SYT2: variants seen among roughly 807,000 people sequenced by gnomAD.
The protein encoded by SYT2 is synaptotagmin-2.
A neutral mutation model predicts 39.9 loss-of-function variants in SYT2; 15 were observed. That is an observed-to-expected ratio of 0.38 (90% CI 0.25 to 0.58). The LOEUF (loss-of-function observed/expected upper bound fraction) is 0.58, where lower values mean the gene tolerates loss of function less well. Ranked by LOEUF, SYT2 falls within the 20% of genes least tolerant of loss-of-function variation. SYT2 has a pLI of 0.70. For synonymous variants in SYT2, 181 were observed against 204.5 expected, an observed-to-expected ratio of 0.89 and a Z score of 0.98; for missense variants, 389 against 530.3, an observed-to-expected ratio of 0.73 and a Z score of 2.62.
At position 202,611,414 on chromosome 1, in the gene SYT2, C is replaced by T. The variant is rs145267321; in HGVS notation, c.-17-5625G>A. Among the ~76,000 whole-genome samples the T allele has an allele frequency of 8.2e-3, 1,253 of 152,196 alleles. 15 individuals are homozygous for T. Among genetic ancestry groups the T allele is most frequent in the African/African-American group, 0.028 (1,179 of 41,504 alleles). On this transcript the variant is annotated intron_variant, in intron 1 of 8. Transcript: ENST00000367268. ...TTGCCCAGGCTGGAGTGCAATGGCA[C>T]AATCTCAGCTCACTGCCACCTCCAC... is the stretch of plus-strand genomic sequence containing the variant.
intron 1 of SYT2, among the ~76,000 whole-genome samples, chr1:202,667,865 A>C (rs1464604597): frequency 2.6e-5 from 4 of 152,018 alleles, no homozygotes. Flanking sequence ...GGCACCTGCC[A>C]CCACACCCAG....
chr1:202,670,763 T>C (rs1692571771), intron 1 of SYT2, among the ~76,000 whole-genome samples: 1 of 152,228 alleles, frequency 6.6e-6, no homozygotes. Context: ...AAGGAAGGTG[T>C]CCCTGCAGCC....
chr1:202,648,467 C>A (rs548789434), intron 1 of SYT2, among the ~76,000 whole-genome samples: 20 of 152,312 alleles, frequency 1.3e-4, no homozygotes, highest in Admixed American at 9.1e-4. Flanking sequence ...CAGGTGTGAG[C>A]CTGTAATTTA....
chr1:202,637,795 C>T (rs755605291), intron 1 of SYT2, among the ~76,000 whole-genome samples: 1 of 152,246 alleles, frequency 6.6e-6, no homozygotes, highest in East Asian at 1.9e-4. Flanking sequence ...TTGGAAGCTA[C>T]TCTGGCTTTC....
chr1:202,672,672 AC>A (rs1281988895), intron 1 of SYT2, among the ~76,000 whole-genome samples: 2 of 139,456 alleles, frequency 1.4e-5, no homozygotes, highest in Admixed American at 7.4e-5. Flanking sequence ...ATAATCCAGA[AC>A]ACAGTGGTTA....
Position 202,601,023 on chromosome 1 carries a change from A to G in SYT2, c.802-549T>C, listed in dbSNP as rs1690486446. Among the ~76,000 whole-genome samples, 1 of 152,182 alleles carries G rather than the reference A, an allele frequency of 6.6e-6. No homozygotes were observed. Among genetic ancestry groups the G allele is most frequent in the East Asian group, 1.9e-4 (1 of 5,186 alleles). ...AGCAATTTGCATCCCTTTTGTTACT[A>G]TCACTGCAACTCTTTGATGTAAACA... On this transcript the variant is annotated intron_variant, in intron 6 of 8. Transcript: ENST00000367268. This position sits in a 1 kb window ranked among gnomAD's most constrained non-coding sequence, Gnocchi z 4.0.
chr1:202,639,832 A>G, intron 1 of SYT2: 1 of 985,442 alleles, frequency 1.0e-6, no homozygotes, highest in Non-Finnish European at 1.2e-6. Context: ...ACGTTGGGGC[A>G]TTTTGGGGGA....
rs1558421488 is a variant in SYT2, at chr1:202,599,279, T to G, written c.992A>C (p.Lys331Thr). Residue 331 changes from lysine to threonine, a missense_variant, in exon 8 of 9, where the codon AAG (lysine) becomes ACG (threonine). Transcript: ENST00000367268. The surrounding 1 kb of genome is among the most constrained non-coding windows in gnomAD (Gnocchi z 4.4). ...LKKKKTTVKKKTLNPYFNESF... is the reference protein window; with the variant it reads ...LKKKKTTVKKTTLNPYFNESF... Reference sequence around the variant, plus strand: ...CTCGTTGAAGTATGGGTTCAGGGTCTTCTTCTTCACGGTTGTCTTCTTCTT... The same window carrying G: ...CTCGTTGAAGTATGGGTTCAGGGTCGTCTTCTTCACGGTTGTCTTCTTCTT... 7 of 1,610,672 alleles carry G rather than the reference T, an allele frequency of 4.3e-6. No homozygotes were observed. Among genetic ancestry groups the G allele is most frequent in the Admixed American group, 1.7e-5 (1 of 59,108 alleles).
intron 1 of SYT2, among the ~76,000 whole-genome samples, chr1:202,625,212 TG>T (rs1553337689): frequency 9.4e-6 from 1 of 106,392 alleles, no homozygotes. Flanking sequence ...GTGTGTGTGA[TG>T]TTTGTGGTGT....
intron 1 of SYT2, among the ~76,000 whole-genome samples, chr1:202,643,980 C>A (rs922367392): frequency 6.6e-6 from 1 of 152,052 alleles, no homozygotes; most frequent in Non-Finnish European, 1.5e-5. Flanking sequence ...GGGAGGGAAA[C>A]GATTTGCTTC....
chr1:202,616,602 T>G (rs1691045565), intron 1 of SYT2, among the ~76,000 whole-genome samples: 1 of 152,130 alleles, frequency 6.6e-6, no homozygotes, highest in South Asian at 2.1e-4. Context: ...GCCCCATCCC[T>G]CTGCTGAAGT....
At chr1:202,656,857 G>A (rs375861303) in intron 1 of SYT2, among the ~76,000 whole-genome samples, 77 of 152,256 alleles carry the variant, frequency 5.1e-4, no homozygotes, top group African/African-American at 1.8e-3. Context: ...GAGTTACAGT[G>A]GACTTCCTAT....
chr1:202,664,426 T>C (rs1484551218), intron 1 of SYT2, among the ~76,000 whole-genome samples: 1 of 152,204 alleles, frequency 6.6e-6, no homozygotes, highest in African/African-American at 2.4e-5. Flanking sequence ...TCATTTTAAG[T>C]ATGCAGTTTG....
At chr1:202,638,252 C>T (rs1351524986) in intron 1 of SYT2, among the ~76,000 whole-genome samples, 1 of 152,242 alleles carries the variant, frequency 6.6e-6, no homozygotes, top group Non-Finnish European at 1.5e-5. Flanking sequence ...CCTCCTCCCC[C>T]CCAGCCCCTC....
rs770104984 is a variant in SYT2, at chr1:202,599,219, T to G, written c.1052A>C (p.Gln351Pro). 1 of 1,613,320 alleles carries G rather than the reference T, an allele frequency of 6.2e-7. No individual in the cohort carries two copies. The change falls in exon 8 of 9, where the codon CAG (glutamine) becomes CCG (proline). Residue 351 changes from glutamine to proline, a missense_variant and splice_region_variant. Gln to Pro is a moderately conservative substitution (Grantham distance 76, BLOSUM62 -1). Coordinates refer to ENST00000367268, the MANE Select transcript of SYT2 (RefSeq NM_177402.5). The surrounding 1 kb of genome is among the most constrained non-coding windows in gnomAD (Gnocchi z 4.4). ...CCTAGGAACCCAGGGCTCCAGCACC[T>G]GAATCTGCTCGAAGGGGATCTCAAA... is the stretch of plus-strand genomic sequence containing the variant. ...FSFEIPFEQI[Q>P]KVQVVVTVLD...
chr1:202,704,508 C>T (rs1012425555), intron 1 of SYT2, among the ~76,000 whole-genome samples: 2 of 152,134 alleles, frequency 1.3e-5, no homozygotes, highest in African/African-American at 4.8e-5. Context: ...TACACCTGCA[C>T]GCAAGGGTTG....
At position 202,648,402 on chromosome 1, in the gene SYT2, G is replaced by A. The variant is rs576491594; in HGVS notation, c.-17-42613C>T. Among the ~76,000 whole-genome samples, 13 of 152,268 alleles carry A rather than the reference G, an allele frequency of 8.5e-5. No homozygotes were observed. The South Asian group carries it at 1.0e-3, about 12-fold the overall frequency. The stretch of plus-strand genomic sequence containing the variant: ...TCACCATGTTGGCCAGGCTGGTCTC[G>A]AACTCCTGACCTCAAGCGATCTGCC... On this transcript the variant is annotated intron_variant, in intron 1 of 8. Coordinates refer to ENST00000367268, the MANE Select transcript of SYT2 (RefSeq NM_177402.5).
chr1:202,689,756 C>A (rs1653770863), intron 1 of SYT2, among the ~76,000 whole-genome samples: 1 of 152,034 alleles, frequency 6.6e-6, no homozygotes, highest in Non-Finnish European at 1.5e-5. Context: ...TGCTCCTTTA[C>A]CACTAGTGAT....
In SYT2 at chr1:202,596,963, T is replaced by G. The variant is rs777807674; in HGVS notation, c.1054A>C (p.Lys352Gln). The G allele has an allele frequency of 6.2e-7, 1 of 1,612,104 alleles. No individual in the cohort carries two copies. The highest frequency in any genetic ancestry group is 8.5e-7 in the Non-Finnish European group (1 of 1,178,566). The change falls in exon 9 of 9, where the codon AAA (lysine) becomes CAA (glutamine). Residue 352 changes from lysine (K) to glutamine (Q), a missense_variant and splice_region_variant. By Grantham distance (53) the Lys-to-Gln change is moderately conservative. This residue lies in a region of SYT2 where 84 missense variants were observed against 123.1 expected (regional missense o/e 0.68). Transcript: ENST00000367268. ...SFEIPFEQIQKVQVVVTVLDY... is the reference protein window; with the variant it reads ...SFEIPFEQIQQVQVVVTVLDY... ...AGCACGGTGACCACTACCTGGACTT[T>G]CTGCAAGGAAAACGAGGGAGGGAGT...
Sources: allele counts gnomAD v4.1 joint callset (sites outside exome capture counted in the v4.1 genomes callset), GRCh38; gene constraint gnomAD v4.1.1; regional missense constraint gnomAD v4.1.1; non-coding constraint Gnocchi (gnomAD v3.1); transcripts MANE v1.5; gene names NCBI Gene and HGNC (gene_info 2026-07-23, HGNC 2026-07-21).